AGBL1: variants seen among roughly 807,000 people sequenced by gnomAD.
AGBL1 encodes the protein AGBL carboxypeptidase 1.
AGBL1 carries 130 observed loss-of-function variants against 118.9 expected under a neutral mutation model. The ratio of observed to expected loss-of-function variants is 1.09; its 90% confidence interval spans 0.95 to 1.26. The LOEUF (loss-of-function observed/expected upper bound fraction) is 1.26, where lower values mean the gene tolerates loss of function less well. Among genes scored for constraint, AGBL1 ranks in the 50% most tolerant of loss-of-function variants. The pLI, the probability that AGBL1 is intolerant of heterozygous loss-of-function variation, is 0.00. For synonymous variants in AGBL1, 555 were observed against 478.9 expected (o/e 1.16, Z -2.08); for missense variants, 1,584 against 1,298.1 (o/e 1.22, Z -3.38).
intron 17 of AGBL1, among the ~76,000 whole-genome samples, chr15:86,315,245 A>G (rs987847982): frequency 6.6e-6 from 1 of 152,196 alleles, no homozygotes; most frequent in Non-Finnish European, 1.5e-5. Flanking sequence ...CAAGAGTTAT[A>G]GCTCAGGTGT....
intron 5 of AGBL1, among the ~76,000 whole-genome samples, chr15:86,175,465 T>G (rs2077470557): frequency 6.6e-6 from 1 of 152,114 alleles, no homozygotes; most frequent in African/African-American, 2.4e-5. Flanking sequence ...TTCATTTCAT[T>G]GATCCTTTGT....
At chr15:86,530,659 C>T (rs377291391) in intron 19 of AGBL1, among the ~76,000 whole-genome samples, 2 of 151,932 alleles carry the variant, frequency 1.3e-5, no homozygotes, top group Non-Finnish European at 2.9e-5. Context: ...AATATACATT[C>T]TTCTCAGCAC....
chr15:86,180,647 A>T (rs2077539650), intron 5 of AGBL1, among the ~76,000 whole-genome samples: 1 of 152,160 alleles, frequency 6.6e-6, no homozygotes, highest in South Asian at 2.1e-4. Flanking sequence ...CAGTGAAAAC[A>T]CAATTTATAA....
intron 5 of AGBL1, among the ~76,000 whole-genome samples, chr15:86,193,484 G>A (rs1440737560): frequency 6.6e-6 from 1 of 152,096 alleles, no homozygotes; most frequent in Non-Finnish European, 1.5e-5. Flanking sequence ...GTCTTTTTCT[G>A]ATTTTGACCC....
intron 21 of AGBL1, among the ~76,000 whole-genome samples, chr15:86,647,184 A>T (rs1233391951): frequency 6.6e-6 from 1 of 152,306 alleles, no homozygotes; most frequent in East Asian, 1.9e-4. Context: ...CTTAATTTTA[A>T]TATCTTTTTT....
At chr15:86,284,171 A>ATTT (rs1567177240) in intron 16 of AGBL1, among the ~76,000 whole-genome samples, 7 of 138,294 alleles carry the variant, frequency 5.1e-5, no homozygotes, top group African/African-American at 1.9e-4. Flanking sequence ...CCCGTTCCAT[A>ATTT]ATTCATACTA....
chr15:87,020,880 T>C (rs2701384), intron 24 of AGBL1, among the ~76,000 whole-genome samples: 58,482 of 151,988 alleles, frequency 0.38, 11,779 homozygotes, highest in East Asian at 0.52. Context: ...CATTCCATGC[T>C]CATGGATAAG....
At position 86,667,230 on chromosome 15, in the gene AGBL1, G is replaced by GTATCTATC. The variant is rs1168447837; in HGVS notation, c.2995-7040_2995-7039insCTATCTAT. On this transcript the variant is annotated intron_variant, in intron 21 of 22. Transcript: ENST00000614907. ...TGTATGTATCTATGTATGTATGTAT[G>GTATCTATC]TATGTATGTATGTATGTATGTATGT... 6.9e-5 allele frequency among the ~76,000 whole-genome samples: 10 copies of GTATCTATC among 145,168 alleles called. No homozygotes were observed. In the East Asian group the frequency reaches 1.7e-3, roughly 25 times the overall value.
intron 22 of AGBL1, among the ~76,000 whole-genome samples, chr15:86,681,157 A>C (rs964887733): frequency 2.1e-4 from 32 of 151,984 alleles, no homozygotes; most frequent in African/African-American, 7.0e-4. Flanking sequence ...TTCTTCTTTA[A>C]TCCTTTTTAC....
At chr15:86,695,670 T>C (rs1481835390) in intron 22 of AGBL1, among the ~76,000 whole-genome samples, 1 of 152,064 alleles carries the variant, frequency 6.6e-6, no homozygotes, top group African/African-American at 2.4e-5. Context: ...CTCTAGTTCC[T>C]TGAGGCATGA....
intron 18 of AGBL1, among the ~76,000 whole-genome samples, chr15:86,437,802 C>T (rs2082016643): frequency 6.6e-6 from 1 of 152,152 alleles, no homozygotes; most frequent in South Asian, 2.1e-4. Context: ...TGGATGAGCT[C>T]ATGCCATCTG....
intron 21 of AGBL1, among the ~76,000 whole-genome samples, chr15:86,622,590 C>T (rs1026837418): frequency 3.3e-5 from 5 of 152,100 alleles, no homozygotes; most frequent in African/African-American, 1.2e-4. Context: ...GAAATGATGA[C>T]CTTTGGGAAG....
intron 22 of AGBL1, among the ~76,000 whole-genome samples, chr15:86,700,795 T>C (rs1430026709): frequency 6.6e-6 from 1 of 152,096 alleles, no homozygotes; most frequent in Non-Finnish European, 1.5e-5. Flanking sequence ...ATCTAGTTTA[T>C]TACCAAGATA....
At chr15:86,328,718 T>G (rs994597397) in intron 17 of AGBL1, among the ~76,000 whole-genome samples, 1 of 152,106 alleles carries the variant, frequency 6.6e-6, no homozygotes, top group Non-Finnish European at 1.5e-5. Context: ...TGACTCACCT[T>G]TCCACTAGTG....
Position 86,997,208 on chromosome 15 carries a change from T to G in AGBL1, c.3323+9120T>G, listed in dbSNP as rs1029779797. Among the ~76,000 whole-genome samples, 7 of 152,244 alleles carry G rather than the reference T, an allele frequency of 4.6e-5. No homozygotes were observed. In the South Asian group the frequency reaches 1.5e-3, roughly 32 times the overall value. ...TTCCTGGTCCCATGGCACTCTAGAG[T>G]CTAACTGTGCATGCCGGTCTCTTAT... On this transcript the variant is annotated intron_variant, in intron 24 of 24. Transcript: ENST00000441037.
intron 7 of AGBL1, among the ~76,000 whole-genome samples, chr15:86,254,445 G>C (rs1202270319): frequency 3.9e-5 from 6 of 152,220 alleles, no homozygotes. Flanking sequence ...TGAGCAGTTT[G>C]CTCTTACTTT....
At chr15:86,932,246 A>C (rs1183084820) in intron 23 of AGBL1, among the ~76,000 whole-genome samples, 1 of 152,192 alleles carries the variant, frequency 6.6e-6, no homozygotes, top group Non-Finnish European at 1.5e-5. Flanking sequence ...AAAATTCCCT[A>C]AGTGCATATA....
chr15:86,750,039 A>G (rs185301850), intron 22 of AGBL1, among the ~76,000 whole-genome samples: 39 of 152,232 alleles, frequency 2.6e-4, no homozygotes, highest in Admixed American at 2.5e-3. Context: ...TGAGTTAGGG[A>G]GGATTCCCTC....
At chr15:86,985,963 G>A (rs753514887) in intron 23 of AGBL1, among the ~76,000 whole-genome samples, 4 of 148,232 alleles carry the variant, frequency 2.7e-5, no homozygotes, top group East Asian at 1.9e-4. Flanking sequence ...TCCCTCTTTC[G>A]CCTAGGCTGG....
Sources: gnomAD v4.1 joint callset for allele counts (sites outside exome capture counted in the v4.1 genomes callset) on GRCh38, gnomAD v4.1.1 for gene constraint, MANE v1.5 for transcripts, NCBI Gene and HGNC (gene_info 2026-07-23, HGNC 2026-07-21) for gene names.